PNKD: variants seen among roughly 807,000 people sequenced by gnomAD.
PNKD encodes probable thioesterase PNKD.
A neutral mutation model predicts 45.3 loss-of-function variants in PNKD; 36 were observed. The observed-to-expected ratio is 0.80, with a 90% CI of 0.61 to 1.05. PNKD has a LOEUF of 1.05. Among genes scored for constraint, PNKD ranks in the 50% least tolerant of loss-of-function variants. The pLI, the probability that PNKD is intolerant of heterozygous loss-of-function variation, is 0.00. For missense variants in PNKD, 511 were observed against 506.6 expected, an observed-to-expected ratio of 1.01 and a Z score of -0.08; for synonymous variants, 197 against 210.1, an observed-to-expected ratio of 0.94 and a Z score of 0.54.
At chr2:218,290,759 C>A (rs1480946043) in intron 2 of PNKD, among the ~76,000 whole-genome samples, 1 of 152,218 alleles carries the variant, frequency 6.6e-6, no homozygotes, top group Non-Finnish European at 1.5e-5. Context: ...TTCTGGATAT[C>A]ATTTCTACTT....
intron 7 of PNKD, 46 bp downstream of exon 7, chr2:218,342,190 CAG>C: frequency 6.4e-7 from 1 of 1,561,392 alleles, no homozygotes; most frequent in Non-Finnish European, 8.8e-7. Flanking sequence ...GAGGGAGAGA[CAG>C]AAGCCAGGGC....
chr2:218,293,372 A>T (rs779224447), intron 2 of PNKD, among the ~76,000 whole-genome samples: 2 of 152,222 alleles, frequency 1.3e-5, no homozygotes, highest in Non-Finnish European at 2.9e-5. Context: ...GCTTGAGCCC[A>T]GGAGTTGGAG....
chr2:218,339,888 C>T lies in PNKD; in HGVS notation c.342C>T (p.Arg114=), dbSNP rs1213282186. ...YPKGHSKTQP[R]LFNGVKVLPI... ...AAGGCCACTCGAAAACCCAGCCCCG[C>T]CTCTTCAATGGTGAGCTCTGACTGC... The change falls in exon 3 of 10, where the codon CGC becomes CGT. Residue 114 remains arginine (R), a synonymous_variant. Coordinates refer to ENST00000273077, the MANE Select transcript of PNKD (RefSeq NM_015488.5). 1 of 1,608,182 alleles carries T rather than the reference C, an allele frequency of 6.2e-7. No homozygotes were observed. Among genetic ancestry groups the T allele is most frequent in the South Asian group, 1.1e-5 (1 of 90,600 alleles).
intron 2 of PNKD, among the ~76,000 whole-genome samples, chr2:218,332,879 C>G (rs764663542): frequency 2.0e-5 from 3 of 152,180 alleles, no homozygotes; most frequent in Non-Finnish European, 4.4e-5. Context: ...TCACCAACCC[C>G]TTCTCCAGCA....
intron 2 of PNKD, chr2:218,278,255 G>C: frequency 1.7e-6 from 1 of 604,626 alleles, no homozygotes; most frequent in South Asian, 2.0e-5. Flanking sequence ...CAGCCTCTTT[G>C]AGCCTCGGGT....
chr2:218,327,474 G>A (rs771883592), intron 2 of PNKD, among the ~76,000 whole-genome samples: 41 of 152,088 alleles, frequency 2.7e-4, no homozygotes, highest in Non-Finnish European at 5.1e-4. Context: ...GGGCCTGTGG[G>A]ACCGTGGAGA....
intron 2 of PNKD, chr2:218,318,376 T>C (rs1693875310): frequency 6.6e-6 from 1 of 152,118 alleles, no homozygotes; most frequent in African/African-American, 2.4e-5. Context: ...AGCCCTGGAG[T>C]GCATGGGTTC....
At position 218,271,207 on chromosome 2, in the gene PNKD, C is replaced by T. The variant is rs11900801; in HGVS notation, c.68-174C>T. ...GAAGTGGCTTCCAAAGGTGCCACCT[C>T]GGTGGCGATTTTCCCATTTCCCTTT... On this transcript the variant is annotated intron_variant, in intron 1 of 9. Transcript: ENST00000273077. The T allele has an allele frequency of 0.011, 7,507 of 686,784 alleles. 363 individuals carry two copies. The African/African-American group carries it at 0.11, about 10-fold the overall frequency. The allele number at this position is 686,784 out of a possible 1,614,324, so 42.5% of individuals were successfully genotyped here.
intron 2 of PNKD, among the ~76,000 whole-genome samples, chr2:218,333,700 A>T (rs7587403): frequency 0.34 from 52,322 of 151,958 alleles, 9,264 homozygotes; most frequent in Non-Finnish European, 0.4. Flanking sequence ...CTGTTGCCAG[A>T]GCCTCTGTTC....
At chr2:218,275,951 A>G (rs773813735) in intron 2 of PNKD, 7 of 1,524,282 alleles carry the variant, frequency 4.6e-6, no homozygotes, top group Non-Finnish European at 6.3e-6. Flanking sequence ...CAGGCAGTCT[A>G]AATTCATGCC....
At chr2:218,278,798 A>G (rs1041934166) in intron 2 of PNKD, among the ~76,000 whole-genome samples, 22 of 152,344 alleles carry the variant, frequency 1.4e-4, no homozygotes, top group East Asian at 1.9e-4. Flanking sequence ...CTGAGAGGAC[A>G]TGGGGGCTGC....
intron 2 of PNKD, among the ~76,000 whole-genome samples, chr2:218,273,742 C>A (rs1020659234): frequency 6.6e-6 from 1 of 151,700 alleles, no homozygotes; most frequent in Non-Finnish European, 1.5e-5. Context: ...TTCCCCCCCA[C>A]CGCCCTCGGC....
chr2:218,341,502 G>C, intron 5 of PNKD, 32 bp from the exon 6 acceptor site: 1 of 1,457,680 alleles, frequency 6.9e-7, no homozygotes, highest in Non-Finnish European at 9.4e-7. Context: ...GTTGCCCCTC[G>C]AAGCCCCCTG....
intron 2 of PNKD, chr2:218,279,222 A>C (rs113859978): frequency 8.4e-6 from 13 of 1,556,016 alleles, no homozygotes; most frequent in African/African-American, 4.1e-5. Flanking sequence ...ACCGCCACCC[A>C]CACCCCCAGC....
chr2:218,310,518 G>A lies in PNKD; in HGVS notation c.237-29265G>A, dbSNP rs149761382. 5.6e-3 allele frequency among the ~76,000 whole-genome samples: 841 copies of A among 150,492 alleles called. 6 individuals are homozygous for A. The highest frequency in any genetic ancestry group is 0.019 in the African/African-American group (779 of 40,928). ...ATTATAGGCGTGAGCCACTGCGCCC[G>A]GCCTACATAACAATGTTTTAATAGC... On this transcript the variant is annotated intron_variant, in intron 2 of 9. Transcript: ENST00000273077.
At chr2:218,312,313 AT>A (rs1693637774) in intron 2 of PNKD, among the ~76,000 whole-genome samples, 1 of 152,148 alleles carries the variant, frequency 6.6e-6, no homozygotes, top group Non-Finnish European at 1.5e-5. Flanking sequence ...CTTGCCTGTG[AT>A]TTGTACTATA....
At chr2:218,300,579 T>G (rs1693247890) in intron 2 of PNKD, among the ~76,000 whole-genome samples, 1 of 149,454 alleles carries the variant, frequency 6.7e-6, no homozygotes, top group African/African-American at 2.5e-5. Flanking sequence ...GGAGTCTCGC[T>G]CTGTTGCCCA....
chr2:218,301,464 C>G (rs1447364851), intron 2 of PNKD, among the ~76,000 whole-genome samples: 1 of 152,124 alleles, frequency 6.6e-6, no homozygotes, highest in Non-Finnish European at 1.5e-5. Context: ...CACTAGGGGG[C>G]AGAGTCTGAC....
chr2:218,273,647 A>G (rs1205253059), intron 2 of PNKD, among the ~76,000 whole-genome samples: 2 of 143,452 alleles, frequency 1.4e-5, no homozygotes, highest in Non-Finnish European at 3.0e-5. Context: ...CTCCCAGTTA[A>G]TTTTTTTTTT....
Sources: gnomAD v4.1 joint callset for allele counts (sites outside exome capture counted in the v4.1 genomes callset) on GRCh38, gnomAD v4.1.1 for gene constraint, MANE v1.5 for transcripts, NCBI Gene and HGNC (gene_info 2026-07-23, HGNC 2026-07-21) for gene names.